Variants in MTF1 observed in about 807,000 individuals in gnomAD.
MTF1 encodes metal regulatory transcription factor 1.
A neutral mutation model predicts 70.4 loss-of-function variants in MTF1; 22 were observed. That is an observed-to-expected ratio of 0.31 (90% confidence interval 0.22 to 0.45). The LOEUF (loss-of-function observed/expected upper bound fraction) is 0.45, where lower values mean the gene tolerates loss of function less well. Ranked by LOEUF, MTF1 falls within the 20% of genes least tolerant of loss-of-function variation. The pLI is 1.00. For synonymous variants in MTF1, 333 were observed against 352.8 expected (o/e 0.94, Z 0.63); for missense variants, 649 against 922.0 (o/e 0.70, Z 3.83).
intron 3 of MTF1, among the ~76,000 whole-genome samples, chr1:37,839,428 A>G (rs1569870440): frequency 6.6e-6 from 1 of 152,284 alleles, no homozygotes; most frequent in Admixed American, 6.5e-5. Context: ...AGTGTTAGCT[A>G]CTGTTATTTC....
intron 9 of MTF1, among the ~76,000 whole-genome samples, chr1:37,819,503 A>G (rs1353049322): frequency 3.3e-5 from 5 of 152,154 alleles, no homozygotes; most frequent in African/African-American, 1.2e-4. Context: ...TATACTTCCT[A>G]TTACATGGGC....
chr1:37,822,071 C>A, intron 9 of MTF1, 50 bp downstream of exon 9: 1 of 1,406,968 alleles, frequency 7.1e-7, no homozygotes, highest in South Asian at 1.4e-5. Context: ...AACATGTCAC[C>A]TATGTAAATA....
intron 7 of MTF1, 107 bp from the exon 8 acceptor site, chr1:37,823,919 C>CA (rs1640962352): frequency 1.4e-5 from 11 of 780,792 alleles, no homozygotes; most frequent in Admixed American, 4.7e-5. Flanking sequence ...TTTTGATATG[C>CA]ATTTTGTTTC....
At chr1:37,857,197 T>C (rs1410062809) in intron 2 of MTF1, 54 bp downstream of exon 2, 4 of 1,554,588 alleles carry the variant, frequency 2.6e-6, no homozygotes, top group Non-Finnish European at 3.5e-6. Flanking sequence ...ACCAAGAATT[T>C]TGTAAGGACT....
intron 1 of MTF1, chr1:37,858,544 A>T (rs1434791535): frequency 6.6e-6 from 1 of 152,240 alleles, no homozygotes; most frequent in African/African-American, 2.4e-5. Flanking sequence ...TCAGGCACAA[A>T]CAACGAAGAT....
In MTF1 at chr1:37,812,293, C is replaced by G. The variant is rs984823975; in HGVS notation, c.*2843G>C. ...CTCCAAGGTCCTCGGCACTAGAGAC[C>G]AGGCTTATGGAAGGACAGGTAGGAA... On this transcript the variant is annotated 3_prime_UTR_variant, in exon 11 of 11. Transcript: ENST00000373036. The G allele has an allele frequency of 6.6e-6, 1 of 152,194 alleles. No individual in the cohort carries two copies. The highest frequency in any genetic ancestry group is 2.1e-4 in the South Asian group (1 of 4,834). The allele number at this position is 152,194 out of a possible 1,614,324, so 9.4% of individuals were successfully genotyped here. A position where few individuals can be genotyped will look rare whatever the true frequency, so the allele number is the denominator to read the frequency against.
intron 9 of MTF1, 119 bp from the exon 10 acceptor site, chr1:37,817,601 G>A: frequency 1.3e-6 from 1 of 742,232 alleles, no homozygotes; most frequent in African/African-American, 1.7e-5. Flanking sequence ...TAGTGTTCAG[G>A]GATTTTTGTA....
chr1:37,834,194 C>T (rs1016905039), intron 6 of MTF1, among the ~76,000 whole-genome samples: 2 of 152,128 alleles, frequency 1.3e-5, no homozygotes, highest in African/African-American at 4.8e-5. Flanking sequence ...GCCTACAGGA[C>T]AGAGCAAGAC....
At chr1:37,858,332 G>A (rs1469685694) in intron 1 of MTF1, among the ~76,000 whole-genome samples, 1 of 152,212 alleles carries the variant, frequency 6.6e-6, no homozygotes, top group Non-Finnish European at 1.5e-5. Flanking sequence ...TTTACTACAT[G>A]GGTAACTTTT....
chr1:37,838,487 G>T, intron 4 of MTF1, 138 bp downstream of exon 4: 1 of 585,478 alleles, frequency 1.7e-6, no homozygotes, highest in Non-Finnish European at 2.8e-6. Flanking sequence ...GTTGGTTATA[G>T]CTGTCCTGGG....
intron 7 of MTF1, among the ~76,000 whole-genome samples, chr1:37,827,097 TATAC>T (rs1367708287): frequency 6.6e-6 from 1 of 152,178 alleles, no homozygotes; most frequent in African/African-American, 2.4e-5. Context: ...TTACACTGTA[TATAC>T]ATACATTCTT....
intron 2 of MTF1, among the ~76,000 whole-genome samples, chr1:37,849,735 ACAGTTGC>A (rs1375736365): frequency 6.6e-6 from 1 of 152,146 alleles, no homozygotes; most frequent in Non-Finnish European, 1.5e-5. Context: ...TAAAGAAAAC[ACAGTTGC>A]CAGGTGTGGT....
intron 10 of MTF1, among the ~76,000 whole-genome samples, chr1:37,816,488 A>C (rs1486297247): frequency 6.6e-6 from 1 of 152,106 alleles, no homozygotes; most frequent in East Asian, 1.9e-4. Context: ...CAGCCTGGCC[A>C]ACATGGTGAA....
chr1:37,856,835 T>C (rs1641504707), intron 2 of MTF1, among the ~76,000 whole-genome samples: 3 of 152,166 alleles, frequency 2.0e-5, no homozygotes, highest in South Asian at 4.1e-4. Flanking sequence ...ATAAAACATA[T>C]TCCAGCAGAT....
chr1:37,825,547 G>C (rs1640990156), intron 7 of MTF1, among the ~76,000 whole-genome samples: 1 of 152,028 alleles, frequency 6.6e-6, no homozygotes, highest in Non-Finnish European at 1.5e-5. Context: ...CAGAAATTTT[G>C]ATTTTTACAT....
rs748123476 is a variant in MTF1 at position 37,822,447 on chromosome 1, T to G, written c.1441A>C (p.Asn481His). ...GGGTGCGGAAGAAACTCTTGATGAT[T>G]AGCAGCAAACTGTGTGCTGTGGGGA... ...PVPHSTQFAA[N>H]HQEFLPHPQA... The change falls in exon 9 of 11, where the codon AAT (asparagine) becomes CAT (histidine). Residue 481 changes from asparagine to histidine, a missense_variant. Transcript: ENST00000373036. The G allele has an allele frequency of 6.2e-6, 10 of 1,614,088 alleles. No individual in the cohort carries two copies. Among genetic ancestry groups the G allele is most frequent in the Non-Finnish European group, 8.5e-6 (10 of 1,179,988 alleles).
chr1:37,815,570 C>A lies in MTF1; in HGVS notation c.1832-4G>T, dbSNP rs746030971. 6.6e-7 allele frequency: 1 copy of A among 1,523,372 alleles called. No homozygotes were observed. Among genetic ancestry groups the A allele is most frequent in the Non-Finnish European group, 8.8e-7 (1 of 1,138,258 alleles). 94.4% of individuals were successfully genotyped at this position (1,523,372 alleles called of 1,614,324 possible). ...CCAATCTGCTGGACAGAGCTCCCTG[C>A]GAGAGAGGCAAGAGAGACTGCTCTT... On this transcript the variant is annotated splice_polypyrimidine_tract_variant and splice_region_variant and intron_variant, in intron 10 of 10. Coordinates refer to ENST00000373036, the MANE Select transcript of MTF1 (RefSeq NM_005955.3). The surrounding 1 kb of genome is among the most constrained non-coding windows in gnomAD (Gnocchi z 4.5).
At chr1:37,824,991 G>GA (rs1640979955) in intron 7 of MTF1, among the ~76,000 whole-genome samples, 1 of 152,092 alleles carries the variant, frequency 6.6e-6, no homozygotes, top group Non-Finnish European at 1.5e-5. Context: ...CAGGGAAGGG[G>GA]AAAGACTACA....
At chr1:37,856,117 G>C (rs1230186626) in intron 2 of MTF1, among the ~76,000 whole-genome samples, 1 of 149,300 alleles carries the variant, frequency 6.7e-6, no homozygotes, top group Non-Finnish European at 1.5e-5. Flanking sequence ...ACATGAAAAT[G>C]AAAACTTATT....
Sources: gnomAD v4.1 joint callset for allele counts (sites outside exome capture counted in the v4.1 genomes callset) on GRCh38, gnomAD v4.1.1 for gene constraint, Gnocchi (gnomAD v3.1) non-coding constraint, MANE v1.5 for transcripts, NCBI Gene and HGNC (gene_info 2026-07-23, HGNC 2026-07-21) for gene names.